The following IGSF21 variants were observed in gnomAD, a reference collection of about 807,000 sequenced individuals.
IGSF21 encodes the protein immunoglobulin superfamily member 21.
In IGSF21, 28 loss-of-function variants were observed where a neutral mutation model predicts 46.8. The observed-to-expected ratio is 0.60, with a 90% CI of 0.44 to 0.82. The LOEUF is 0.82. Ranked by LOEUF, IGSF21 falls within the 40% of genes least tolerant of loss-of-function variation. The pLI is 0.00. For synonymous variants in IGSF21, 284 were observed against 273.6 expected, an observed-to-expected ratio of 1.04 and a Z score of -0.38; for missense variants, 624 against 665.5, an observed-to-expected ratio of 0.94 and a Z score of 0.69.
chr1:18,360,001 C>A (rs948694650), intron 4 of IGSF21, among the ~76,000 whole-genome samples: 1 of 152,184 alleles, frequency 6.6e-6, no homozygotes, highest in Non-Finnish European at 1.5e-5. Context: ...GTTGCTTCAC[C>A]TCTTAATTTT....
intron 6 of IGSF21, among the ~76,000 whole-genome samples, chr1:18,373,535 T>C (rs1474012267): frequency 6.6e-6 from 1 of 152,060 alleles, no homozygotes; most frequent in Non-Finnish European, 1.5e-5. Context: ...AACGCACTTG[T>C]CTAGTGGCAG....
At chr1:18,150,509 CTG>C (rs2086512606) in intron 1 of IGSF21, among the ~76,000 whole-genome samples, 1 of 152,112 alleles carries the variant, frequency 6.6e-6, no homozygotes, top group Non-Finnish European at 1.5e-5. Context: ...GTCCCCGATT[CTG>C]TGTTAGCTGT....
chr1:18,246,850 A>T lies in IGSF21; in HGVS notation c.183+18840A>T, dbSNP rs143902954. On this transcript the variant is annotated intron_variant, in intron 2 of 9. Coordinates refer to ENST00000251296, the MANE Select transcript of IGSF21 (RefSeq NM_032880.5). ...TGGCAGACTCTGTGAAGCTCAACAC[A>T]TCTGAGTTTGGAAGCTGCTTTGGAC... Among the ~76,000 whole-genome samples, 588 of 152,176 alleles carry T rather than the reference A, an allele frequency of 3.9e-3. 6 individuals are homozygous for T. Among genetic ancestry groups the T allele is most frequent in the East Asian group, 0.036 (186 of 5,148 alleles).
intron 3 of IGSF21, among the ~76,000 whole-genome samples, 157 bp downstream of exon 3, chr1:18,292,144 TCCCTGGAGGGACATC>T (rs2085273954): frequency 6.6e-6 from 1 of 152,188 alleles, no homozygotes; most frequent in South Asian, 2.1e-4. Flanking sequence ...TGGGACCCAT[TCCCTGGAGGGACATC>T]CCCTGGAGGG....
intron 3 of IGSF21, among the ~76,000 whole-genome samples, chr1:18,320,072 T>A (rs957945985): frequency 6.6e-6 from 1 of 152,234 alleles, no homozygotes; most frequent in Admixed American, 6.5e-5. Flanking sequence ...AGCTGGGTAC[T>A]GTGCTCAGTG....
chr1:18,186,684 A>G (rs978057514), intron 1 of IGSF21, among the ~76,000 whole-genome samples: 3 of 152,188 alleles, frequency 2.0e-5, no homozygotes, highest in African/African-American at 4.8e-5. Context: ...CTTTTTTAAG[A>G]AAAATGTTCA....
intron 3 of IGSF21, among the ~76,000 whole-genome samples, chr1:18,307,480 T>G (rs537352231): frequency 6.6e-6 from 1 of 152,334 alleles, no homozygotes; most frequent in East Asian, 1.9e-4. Context: ...TGATTTCTAT[T>G]TGTAGATGAA....
chr1:18,260,107 T>C (rs568391979), intron 2 of IGSF21, among the ~76,000 whole-genome samples: 3 of 152,200 alleles, frequency 2.0e-5, no homozygotes, highest in African/African-American at 7.2e-5. Context: ...CTTGGAATAT[T>C]CTTAACAAAT....
intron 2 of IGSF21, among the ~76,000 whole-genome samples, chr1:18,236,683 G>T (rs1256418036): frequency 6.6e-6 from 1 of 152,164 alleles, no homozygotes; most frequent in Non-Finnish European, 1.5e-5. Flanking sequence ...GACCAACAGA[G>T]AGGCTGAGAA....
At chr1:18,184,551 T>G (rs2086886186) in intron 1 of IGSF21, among the ~76,000 whole-genome samples, 1 of 152,230 alleles carries the variant, frequency 6.6e-6, no homozygotes, top group African/African-American at 2.4e-5. Flanking sequence ...TGCAGCCTGG[T>G]GACAGCCTGT....
Position 18,378,238 on chromosome 1 carries a change from C to T in IGSF21, c.1334-18C>T. The T allele has an allele frequency of 6.2e-7, 1 of 1,612,602 alleles. No homozygotes were observed. Among genetic ancestry groups the T allele is most frequent in the Middle Eastern group, 1.6e-4 (1 of 6,062 alleles). On this transcript the variant is annotated intron_variant, in intron 9 of 9. Transcript: ENST00000251296. ...TTGGGTCTGCAGGCTCTGACCCTTT[C>T]CCTGATTCCTGGCACAGGTTCCATT... is the stretch of plus-strand genomic sequence containing the variant.
rs116129512 is a variant in IGSF21 at position 18,221,108 on chromosome 1, C to T, written c.71-6790C>T. The stretch of plus-strand genomic sequence containing the variant: ...CTGAGAACCCAAGAGCAGCCATGCT[C>T]TGAGGAGGGGATTACCATTCACTTT... On this transcript the variant is annotated intron_variant, in intron 1 of 9. Transcript: ENST00000251296. 5.0e-3 allele frequency among the ~76,000 whole-genome samples: 756 copies of T among 152,290 alleles called. 6 individuals are homozygous for T. The highest frequency in any genetic ancestry group is 0.017 in the African/African-American group (687 of 41,556).
At chr1:18,118,528 G>A (rs557113423) in intron 1 of IGSF21, among the ~76,000 whole-genome samples, 54 of 152,346 alleles carry the variant, frequency 3.5e-4, no homozygotes, top group Admixed American at 1.1e-3. Flanking sequence ...TGGTTCTACA[G>A]AAGCAGGTGA....
chr1:18,271,737 C>T (rs926089903), intron 2 of IGSF21, among the ~76,000 whole-genome samples: 1 of 152,164 alleles, frequency 6.6e-6, no homozygotes, highest in Non-Finnish European at 1.5e-5. Context: ...TCAAACCCAC[C>T]TGTGCCACTT....
chr1:18,303,353 G>C (rs1032897364), intron 3 of IGSF21, among the ~76,000 whole-genome samples: 1 of 152,168 alleles, frequency 6.6e-6, no homozygotes, highest in African/African-American at 2.4e-5. Flanking sequence ...TTGCACAAGA[G>C]CTGAGAGCTC....
At chr1:18,227,471 G>A (rs889532525) in intron 1 of IGSF21, among the ~76,000 whole-genome samples, 2 of 151,862 alleles carry the variant, frequency 1.3e-5, no homozygotes, top group African/African-American at 4.8e-5. Context: ...CTGCAGGACC[G>A]AATAGATGAA....
At chr1:18,152,081 T>A (rs563812732) in intron 1 of IGSF21, among the ~76,000 whole-genome samples, 52 of 152,328 alleles carry the variant, frequency 3.4e-4, no homozygotes, top group African/African-American at 4.6e-4. Flanking sequence ...TGTTGCTATA[T>A]CCTCAGTGCC....
At chr1:18,297,267 G>C (rs141674533) in intron 3 of IGSF21, among the ~76,000 whole-genome samples, 1 of 152,082 alleles carries the variant, frequency 6.6e-6, no homozygotes, top group Non-Finnish European at 1.5e-5. Flanking sequence ...TGGTGAACAT[G>C]GTGGTGGAGT....
chr1:18,201,441 C>A (rs940964066), intron 1 of IGSF21, among the ~76,000 whole-genome samples: 1 of 152,188 alleles, frequency 6.6e-6, no homozygotes, highest in East Asian at 1.9e-4. Flanking sequence ...GAAAGCCTCA[C>A]CACGGAGGGA....
Sources: gnomAD v4.1 joint callset for allele counts (sites outside exome capture counted in the v4.1 genomes callset) on GRCh38, gnomAD v4.1.1 for gene constraint, MANE v1.5 for transcripts, NCBI Gene and HGNC (gene_info 2026-07-23, HGNC 2026-07-21) for gene names.